CBR4: variants seen among roughly 807,000 people sequenced by gnomAD.
CBR4 encodes carbonyl reductase 4.
In CBR4, 22 loss-of-function variants were observed where a neutral mutation model predicts 21.0. The ratio of observed to expected loss-of-function variants is 1.05; its 90% CI spans 0.75 to 1.50. The LOEUF (loss-of-function observed/expected upper bound fraction) is 1.50. Ranked by LOEUF, CBR4 falls within the 40% of genes most tolerant of loss-of-function variation. CBR4 has a pLI of 0.00. For synonymous variants in CBR4, 100 were observed against 104.4 expected (o/e 0.96, Z 0.26); for missense variants, 302 against 286.3 (o/e 1.05, Z -0.40).
chr4:168,977,653 T>C (rs1196218862), intron 2 of CBR4, among the ~76,000 whole-genome samples: 1 of 152,180 alleles, frequency 6.6e-6, no homozygotes, highest in Non-Finnish European at 1.5e-5. Flanking sequence ...TTCTGACCCA[T>C]ACATACTTGA....
chr4:168,909,584 C>T (rs950706663), intron 2 of CBR4, among the ~76,000 whole-genome samples: 1 of 152,126 alleles, frequency 6.6e-6, no homozygotes, highest in African/African-American at 2.4e-5. Flanking sequence ...TTTCCTGGCT[C>T]ATTTCAAGCT....
At chr4:168,959,278 G>A (rs912862096) in intron 2 of CBR4, among the ~76,000 whole-genome samples, 1 of 152,036 alleles carries the variant, frequency 6.6e-6, no homozygotes, top group African/African-American at 2.4e-5. Context: ...AACCCCATTT[G>A]CTCAAAGTCT....
intron 2 of CBR4, chr4:168,914,160 G>A: frequency 1.5e-6 from 1 of 683,120 alleles, no homozygotes; most frequent in South Asian, 1.6e-5. Flanking sequence ...GAAGCCTGTG[G>A]CTCCTTGATT....
At chr4:168,951,436 T>C (rs1000483558) in intron 2 of CBR4, among the ~76,000 whole-genome samples, 2 of 152,256 alleles carry the variant, frequency 1.3e-5, no homozygotes, top group Non-Finnish European at 2.9e-5. Context: ...ATTCCATTCA[T>C]CATGCTATTT....
intron 2 of CBR4, among the ~76,000 whole-genome samples, chr4:168,931,567 C>A (rs1461216192): frequency 6.6e-6 from 1 of 152,060 alleles, no homozygotes; most frequent in Non-Finnish European, 1.5e-5. Flanking sequence ...AGAGGCACAC[C>A]ACTGTCCCAA....
At chr4:168,908,924 A>G (rs530060953) in intron 2 of CBR4, among the ~76,000 whole-genome samples, 4 of 152,348 alleles carry the variant, frequency 2.6e-5, no homozygotes, top group South Asian at 4.1e-4. Flanking sequence ...TCTTTTGGGA[A>G]TAAGAAAAAC....
intron 2 of CBR4, among the ~76,000 whole-genome samples, chr4:168,982,446 T>C (rs1764572714): frequency 6.6e-6 from 1 of 152,070 alleles, no homozygotes; most frequent in Non-Finnish European, 1.5e-5. Flanking sequence ...TACAAAGAGA[T>C]GTAGATAACC....
chr4:169,008,936 A>C, intron 1 of CBR4: 1 of 454,370 alleles, frequency 2.2e-6, no homozygotes, highest in South Asian at 1.6e-5. Flanking sequence ...GTTAACTTAA[A>C]AATGAACAGC....
chr4:168,948,762 C>CTATG (rs1427257848), intron 2 of CBR4, among the ~76,000 whole-genome samples: 19 of 152,320 alleles, frequency 1.2e-4, no homozygotes, highest in African/African-American at 4.6e-4. Flanking sequence ...GTTTTGGTGA[C>CTATG]TATGGCCTTA....
chr4:169,005,713 T>C (rs1730854774), intron 3 of CBR4, among the ~76,000 whole-genome samples: 1 of 152,208 alleles, frequency 6.6e-6, no homozygotes, highest in South Asian at 2.1e-4. Flanking sequence ...ACTAATCTCT[T>C]ACATAAGAAA....
chr4:169,008,537 A>T (rs368464519), intron 1 of CBR4, among the ~76,000 whole-genome samples: 2 of 152,176 alleles, frequency 1.3e-5, no homozygotes, highest in South Asian at 4.1e-4. Context: ...CTACCCCATC[A>T]AGCCTTTGGA....
chr4:168,927,139 A>G (rs1762671002), intron 2 of CBR4: 1 of 228,288 alleles, frequency 4.4e-6, no homozygotes, highest in South Asian at 1.8e-4. Context: ...TTCATTCCAC[A>G]GAAAGCATCC....
At chr4:169,005,770 G>A in intron 3 of CBR4, 1 of 658,134 alleles carries the variant, frequency 1.5e-6, no homozygotes. Context: ...ATGCTCTCAT[G>A]TCCCCTTAGT....
chr4:169,009,455 C>T (rs927662105), intron 1 of CBR4, among the ~76,000 whole-genome samples: 7 of 152,214 alleles, frequency 4.6e-5, no homozygotes, highest in African/African-American at 1.4e-4. Context: ...TTTGTGCATT[C>T]GCGCAGGGCC....
At chr4:168,965,196 C>A (rs1020005015) in intron 2 of CBR4, among the ~76,000 whole-genome samples, 5 of 152,194 alleles carry the variant, frequency 3.3e-5, no homozygotes, top group Non-Finnish European at 5.9e-5. Context: ...ATACAACTTA[C>A]AATGAACGTG....
intron 2 of CBR4, among the ~76,000 whole-genome samples, chr4:168,948,188 G>C (rs1763446107): frequency 6.6e-6 from 1 of 152,114 alleles, no homozygotes; most frequent in African/African-American, 2.4e-5. Context: ...TTTGAAAACT[G>C]TCTATTCATG....
chr4:169,006,662 C>A, intron 3 of CBR4, 93 bp downstream of exon 3: 1 of 1,136,358 alleles, frequency 8.8e-7, no homozygotes. Flanking sequence ...AAATTTCATT[C>A]ATGTTTCACA....
At chr4:168,950,830 C>T (rs928562946) in intron 2 of CBR4, among the ~76,000 whole-genome samples, 1 of 152,176 alleles carries the variant, frequency 6.6e-6, no homozygotes, top group African/African-American at 2.4e-5. Context: ...GGCCTTTTAT[C>T]ACTATATAAT....
At chr4:168,962,019 G>C (rs1402869931) in intron 2 of CBR4, among the ~76,000 whole-genome samples, 2 of 146,416 alleles carry the variant, frequency 1.4e-5, no homozygotes, top group Non-Finnish European at 3.0e-5. Flanking sequence ...AGGAAGGCAA[G>C]CAGGCCAAAA....
Sources: gnomAD v4.1 joint callset for allele counts (sites outside exome capture counted in the v4.1 genomes callset) on GRCh38, gnomAD v4.1.1 for gene constraint, MANE v1.5 for transcripts, NCBI Gene and HGNC (gene_info 2026-07-23, HGNC 2026-07-21) for gene names.